The following NLRP11 variants were observed in gnomAD, a reference collection of about 807,000 sequenced individuals.
NLRP11 encodes NLR family pyrin domain containing 11.
NLRP11 carries 53 observed loss-of-function variants against 79.3 expected under a neutral mutation model. The ratio of observed to expected loss-of-function variants is 0.67; its 90% CI spans 0.54 to 0.84. NLRP11 has a LOEUF of 0.84. Among genes scored for constraint, NLRP11 ranks in the 40% least tolerant of loss-of-function variants. NLRP11 has a pLI of 0.00. For missense variants in NLRP11, 1,264 were observed against 1,255.0 expected (o/e 1.01, Z -0.11); for synonymous variants, 518 against 462.6 (o/e 1.12, Z -1.54).
chr19:55,789,975 C>T (rs991919306), intron 7 of NLRP11, among the ~76,000 whole-genome samples: 7 of 152,188 alleles, frequency 4.6e-5, no homozygotes, highest in African/African-American at 9.7e-5. Flanking sequence ...TGCCTCACCA[C>T]GTTGGCCTTC....
At chr19:55,785,853 C>G in exon 10 of NLRP11, 1 of 1,613,520 alleles carries the variant, frequency 6.2e-7, no homozygotes, top group Non-Finnish European at 8.5e-7. Context: ...TTTGTGTGTT[C>G]AGGCCAGTTA....
At chr19:55,788,606 G>T (rs1172406495) in intron 9 of NLRP11, among the ~76,000 whole-genome samples, 2 of 151,532 alleles carry the variant, frequency 1.3e-5, no homozygotes, top group Non-Finnish European at 2.9e-5. Flanking sequence ...CAGGTGTGGT[G>T]GTGGGTGCCT....
At chr19:55,804,906 T>C (rs1979836799) in intron 4 of NLRP11, among the ~76,000 whole-genome samples, 2 of 151,914 alleles carry the variant, frequency 1.3e-5, no homozygotes, top group African/African-American at 4.8e-5. Flanking sequence ...CTATTTAAAA[T>C]ACAAAAATTA....
At chr19:55,833,170 A>T (rs941636653), upstream of NLRP11, among the ~76,000 whole-genome samples, 3 of 152,250 alleles carry the variant, frequency 2.0e-5, no homozygotes, top group Non-Finnish European at 4.4e-5. Context: ...TTATTGAATG[A>T]TATACAATGT....
At chr19:55,833,765 C>CAA (rs71182919), upstream of NLRP11, among the ~76,000 whole-genome samples, 445 of 23,468 alleles carry the variant, frequency 0.019, 72 homozygotes, top group Admixed American at 0.036. Context: ...GACTCCGTCT[C>CAA]AAAAAAAAAA....
exon 2 of NLRP11, chr19:55,817,968 G>C (rs8113630): frequency 0.07 from 112,678 of 1,609,296 alleles, 4,709 homozygotes; most frequent in African/African-American, 0.18. Context: ...ATATGCTGAA[G>C]AGCATATTCC....
At chr19:55,788,378 TG>T (rs1195053031) in intron 9 of NLRP11, among the ~76,000 whole-genome samples, 18 of 151,490 alleles carry the variant, frequency 1.2e-4, no homozygotes, top group Admixed American at 3.3e-4. Context: ...TTTTTTTTTT[TG>T]TATTGGAAAC....
At chr19:55,795,122 C>G (rs778125042) in intron 6 of NLRP11, among the ~76,000 whole-genome samples, 2 of 152,120 alleles carry the variant, frequency 1.3e-5, no homozygotes, top group Non-Finnish European at 2.9e-5. Context: ...TACCTTTATG[C>G]CTCACTTTTG....
chr19:55,790,605 T>C (rs1312247698), intron 7 of NLRP11, among the ~76,000 whole-genome samples: 1 of 152,216 alleles, frequency 6.6e-6, no homozygotes, highest in Non-Finnish European at 1.5e-5. Flanking sequence ...TATTCTTTGT[T>C]ATAGAATGTA....
At chr19:55,787,127 A>T (rs1989927785) in intron 9 of NLRP11, among the ~76,000 whole-genome samples, 1 of 152,182 alleles carries the variant, frequency 6.6e-6, no homozygotes, top group African/African-American at 2.4e-5. Context: ...GGATGCTTAT[A>T]CTTAGTCTCT....
rs1272454987 is a variant in NLRP11, at chr19:55,809,800, G to A, written c.810C>T (p.Gly270=). ...GCCTTGAGGAGATGAGGAACCAGCAGCCTGGAGCCATTTTTCTCTTCAGCA... is the reference window on the plus strand; with the variant it reads ...GCCTTGAGGAGATGAGGAACCAGCAACCTGGAGCCATTTTTCTCTTCAGCA... Residue 270 remains glycine (G), a synonymous_variant, in exon 3 of 10, where the codon GGC becomes GGT. Transcript: ENST00000589093. The surrounding 1 kb of genome is among the most constrained non-coding windows in gnomAD (Gnocchi z 4.5). 6.2e-7 allele frequency: 1 copy of A among 1,614,038 alleles called. No individual in the cohort carries two copies. The highest frequency in any genetic ancestry group is 8.5e-7 in the Non-Finnish European group (1 of 1,179,994).
At chr19:55,827,690 GA>G (rs1982364912) in intron 1 of NLRP11, among the ~76,000 whole-genome samples, 1 of 151,672 alleles carries the variant, frequency 6.6e-6, no homozygotes, top group Non-Finnish European at 1.5e-5. Flanking sequence ...GGCCATCAGA[GA>G]AATGCAAATC....
Position 55,793,171 on chromosome 19 carries a change from C to T in NLRP11, c.2343-700G>A, listed in dbSNP as rs1003398142. ...CCGGAATTATAGGCGTGAGCCACCA[C>T]ACCCGGCCGAATCTCTATTTTTTTT... On this transcript the variant is annotated intron_variant, in intron 6 of 9. Coordinates refer to ENST00000589093, the Ensembl canonical transcript of NLRP11. Among the ~76,000 whole-genome samples the T allele has an allele frequency of 2.0e-5, 3 of 152,220 alleles. No individual in the cohort carries two copies. In the South Asian group the frequency reaches 6.2e-4, roughly 32 times the overall value.
chr19:55,814,935 C>T (rs904463925), intron 2 of NLRP11, among the ~76,000 whole-genome samples: 3 of 152,110 alleles, frequency 2.0e-5, no homozygotes, highest in South Asian at 2.1e-4. Flanking sequence ...AGAGTCCCCA[C>T]GGATTGTTAT....
chr19:55,809,373 T>G lies in NLRP11; in HGVS notation c.1237A>C (p.Ser413Arg), dbSNP rs1980349396. Residue 413 changes from serine (S) to arginine (R), a missense_variant, in exon 3 of 10, where the codon AGT becomes CGT. Physicochemically the swap from Ser to Arg is moderately radical, Grantham distance 110. Transcript: ENST00000589093. This position sits in a 1 kb window ranked among gnomAD's most constrained non-coding sequence, Gnocchi z 4.5. ...CCAACACATCTGAGGTCTTCACCACTGAAATTCAGGGTGCTCAGAAACAGT... is the reference window on the plus strand; with the variant it reads ...CCAACACATCTGAGGTCTTCACCACGGAAATTCAGGGTGCTCAGAAACAGT... 4 of 1,614,110 alleles carry G rather than the reference T, an allele frequency of 2.5e-6. No individual in the cohort carries two copies. The highest frequency in any genetic ancestry group is 3.4e-6 in the Non-Finnish European group (4 of 1,180,024).
At position 55,809,199 on chromosome 19, in the gene NLRP11, T is replaced by G. The variant is rs568863144; in HGVS notation, c.1411A>C (p.Ile471Leu). 3 of 1,613,512 alleles carry G rather than the reference T, an allele frequency of 1.9e-6. No homozygotes were observed. The highest frequency in any genetic ancestry group is 1.3e-5 in the African/African-American group (1 of 75,034). The change falls in exon 3 of 10, where the codon ATC (isoleucine) becomes CTC (leucine). Residue 471 changes from isoleucine to leucine, a missense_variant. By Grantham distance (5) the Ile-to-Leu change is conservative. Coordinates refer to ENST00000589093, the Ensembl canonical transcript of NLRP11. The surrounding 1 kb of genome is among the most constrained non-coding windows in gnomAD (Gnocchi z 4.5). Reference sequence around the variant, plus strand: ...TTATACTCTCTGCTGCCTGAGGGGATCAGATAGTTGGGTACTGCCATCAGA... The same window carrying G: ...TTATACTCTCTGCTGCCTGAGGGGAGCAGATAGTTGGGTACTGCCATCAGA...
At chr19:55,811,326 A>G (rs1481214908) in intron 2 of NLRP11, among the ~76,000 whole-genome samples, 1 of 152,218 alleles carries the variant, frequency 6.6e-6, no homozygotes, top group Non-Finnish European at 1.5e-5. Context: ...AATGATCCAA[A>G]TAAGTGAATT....
intron 6 of NLRP11, among the ~76,000 whole-genome samples, chr19:55,794,554 A>G (rs1207157010): frequency 6.6e-6 from 1 of 152,124 alleles, no homozygotes; most frequent in East Asian, 1.9e-4. Context: ...AGGTCAGGAG[A>G]TCGAGACCAT....
At chr19:55,805,107 G>A (rs1376949243) in intron 4 of NLRP11, among the ~76,000 whole-genome samples, 2 of 151,940 alleles carry the variant, frequency 1.3e-5, no homozygotes, top group East Asian at 1.9e-4. Flanking sequence ...GGAAAAAGAA[G>A]TTGTCCTAGA....
Sources: gnomAD v4.1 joint callset for allele counts (sites outside exome capture counted in the v4.1 genomes callset) on GRCh38, gnomAD v4.1.1 for gene constraint, Gnocchi (gnomAD v3.1) non-coding constraint, MANE v1.5 for transcripts, NCBI Gene and HGNC (gene_info 2026-07-23, HGNC 2026-07-21) for gene names.